TAS2R1: variants seen among roughly 807,000 people sequenced by gnomAD.
TAS2R1 encodes taste 2 receptor member 1.
For synonymous variants in TAS2R1, 141 were observed against 134.2 expected (o/e 1.05, Z -0.35); for missense variants, 370 against 353.4 (o/e 1.05, Z -0.38).
At chr5:9,783,911 GC>G in the TAS2R1 span, among the ~76,000 whole-genome samples, 1 of 152,164 alleles carries the variant, frequency 6.6e-6, no homozygotes, top group African/African-American at 2.4e-5. Flanking sequence ...CTGGTTAGGA[GC>G]CCAGTCTCCA....
At chr5:9,871,614 T>A in the TAS2R1 span, among the ~76,000 whole-genome samples, 1 of 152,154 alleles carries the variant, frequency 6.6e-6, no homozygotes, top group Non-Finnish European at 1.5e-5. Flanking sequence ...CAACAGTATC[T>A]ACAGGAGGAA....
chr5:9,750,031 G>C, the TAS2R1 span, among the ~76,000 whole-genome samples: 7 of 152,144 alleles, frequency 4.6e-5, no homozygotes, highest in African/African-American at 1.7e-4. Context: ...GATCTGTTTG[G>C]AATGCATAAA....
the TAS2R1 span, among the ~76,000 whole-genome samples, chr5:9,842,345 C>G: frequency 0.35 from 43,497 of 123,804 alleles, 7,516 homozygotes; most frequent in Admixed American, 0.39. Flanking sequence ...TTTTGAGAGA[C>G]AGTCTCACTC....
chr5:9,846,202 A>G, the TAS2R1 span, among the ~76,000 whole-genome samples: 1 of 152,274 alleles, frequency 6.6e-6, no homozygotes, highest in African/African-American at 2.4e-5. Context: ...GGATACTTCA[A>G]CAAAGAAGTA....
the TAS2R1 span, among the ~76,000 whole-genome samples, chr5:9,876,953 T>G: frequency 8.0e-4 from 122 of 152,262 alleles, no homozygotes; most frequent in Non-Finnish European, 1.5e-3. Flanking sequence ...CCACCAATAC[T>G]CAAGATGCAG....
chr5:9,899,075 G>A, the TAS2R1 span, among the ~76,000 whole-genome samples: 1 of 152,040 alleles, frequency 6.6e-6, no homozygotes, highest in Non-Finnish European at 1.5e-5. Flanking sequence ...ACCACCCTTA[G>A]GACATAGAGT....
At chr5:9,729,898 T>G in the TAS2R1 span, among the ~76,000 whole-genome samples, 1 of 152,124 alleles carries the variant, frequency 6.6e-6, no homozygotes, top group Non-Finnish European at 1.5e-5. Context: ...CTTTTCAGAG[T>G]GATATCCACA....
At chr5:9,801,860 C>T in the TAS2R1 span, among the ~76,000 whole-genome samples, 1 of 152,144 alleles carries the variant, frequency 6.6e-6, no homozygotes, top group Non-Finnish European at 1.5e-5. Flanking sequence ...CCCCATCCCC[C>T]ACAGCAGCCA....
chr5:9,658,071 C>T (rs1362014186), intron 2 of TAS2R1, among the ~76,000 whole-genome samples: 1 of 152,136 alleles, frequency 6.6e-6, no homozygotes, highest in African/African-American at 2.4e-5. Flanking sequence ...AGAAGCTGAG[C>T]TCTAGGCACA....
At chr5:9,843,491 C>T in the TAS2R1 span, among the ~76,000 whole-genome samples, 2 of 152,166 alleles carry the variant, frequency 1.3e-5, no homozygotes, top group African/African-American at 4.8e-5. Flanking sequence ...TTAATCTGTT[C>T]TCTATAAGCA....
the TAS2R1 span, among the ~76,000 whole-genome samples, chr5:9,736,582 T>C: frequency 5.9e-5 from 9 of 152,344 alleles, no homozygotes; most frequent in South Asian, 1.7e-3. Flanking sequence ...TGCTTGGTGA[T>C]GCATTTTGTA....
intron 1 of TAS2R1, among the ~76,000 whole-genome samples, chr5:9,683,585 T>C (rs1257486855): frequency 6.6e-6 from 1 of 152,218 alleles, no homozygotes; most frequent in African/African-American, 2.4e-5. Flanking sequence ...TGGGAAACAC[T>C]TAGCATGCAT....
At chr5:9,644,386 A>G (rs962265386) in intron 2 of TAS2R1, among the ~76,000 whole-genome samples, 1 of 152,164 alleles carries the variant, frequency 6.6e-6, no homozygotes, top group East Asian at 1.9e-4. Context: ...TGATGGCAAC[A>G]CCAACAGGAA....
chr5:9,815,789 C>G, the TAS2R1 span, among the ~76,000 whole-genome samples: 4,230 of 152,102 alleles, frequency 0.028, 70 homozygotes, highest in Non-Finnish European at 0.043. Flanking sequence ...TGTATTTGTT[C>G]TAAAATTGTT....
the TAS2R1 span, among the ~76,000 whole-genome samples, chr5:9,817,857 A>T: frequency 6.9e-6 from 1 of 145,392 alleles, no homozygotes; most frequent in Admixed American, 7.1e-5. Context: ...TCTTACATGG[A>T]GGCAGGAGAG....
At chr5:9,737,372 C>T in the TAS2R1 span, among the ~76,000 whole-genome samples, 4 of 152,218 alleles carry the variant, frequency 2.6e-5, no homozygotes, top group African/African-American at 7.2e-5. Flanking sequence ...TTTAACTTCC[C>T]ACCAGCTCAG....
At chr5:9,867,454 G>A in the TAS2R1 span, among the ~76,000 whole-genome samples, 32 of 151,968 alleles carry the variant, frequency 2.1e-4, no homozygotes, top group African/African-American at 7.0e-4. Flanking sequence ...TGTATGCAAG[G>A]GATCTGCTCT....
At chr5:9,836,074 T>C in the TAS2R1 span, among the ~76,000 whole-genome samples, 2 of 152,040 alleles carry the variant, frequency 1.3e-5, no homozygotes, top group African/African-American at 2.4e-5. Context: ...GCTGTTCTCG[T>C]GATAGCAAAT....
the TAS2R1 span, among the ~76,000 whole-genome samples, chr5:9,855,123 T>G: frequency 6.6e-6 from 1 of 152,322 alleles, no homozygotes; most frequent in Non-Finnish European, 1.5e-5. Flanking sequence ...ATACTTCTTT[T>G]ACTTGGCAGA....
Sources: gnomAD v4.1 joint callset for allele counts (sites outside exome capture counted in the v4.1 genomes callset) on GRCh38, gnomAD v4.1.1 for gene constraint, MANE v1.5 for transcripts, NCBI Gene and HGNC (gene_info 2026-07-23, HGNC 2026-07-21) for gene names.